The following SCN8A variants were observed in gnomAD, a reference collection of about 807,000 sequenced individuals.
SCN8A encodes the protein sodium voltage-gated channel alpha subunit 8.
In SCN8A, 30 loss-of-function variants were observed where a neutral mutation model predicts 184.1. The observed-to-expected ratio is 0.16, with a 90% confidence interval of 0.12 to 0.22. The LOEUF (loss-of-function observed/expected upper bound fraction) is 0.22. Among genes scored for constraint, SCN8A ranks in the 10% least tolerant of loss-of-function variants. The pLI is 1.00. For missense variants in SCN8A, 1,057 were observed against 2,498.9 expected (o/e 0.42, Z 12.30); for synonymous variants, 852 against 907.0 (o/e 0.94, Z 1.09).
At chr12:51,688,055 AC>A (rs1285459404) in intron 5 of SCN8A, among the ~76,000 whole-genome samples, 1 of 152,188 alleles carries the variant, frequency 6.6e-6, no homozygotes, top group Admixed American at 6.5e-5. Context: ...AATACTTGAA[AC>A]TGAAACTGAC....
chr12:51,708,509 A>G (rs1941820544), intron 11 of SCN8A, among the ~76,000 whole-genome samples: 2 of 152,214 alleles, frequency 1.3e-5, no homozygotes, highest in Admixed American at 1.3e-4. Flanking sequence ...TAGGTATAGA[A>G]TAGATTATAG....
intron 11 of SCN8A, 93 bp from the exon 12 acceptor site, chr12:51,721,453 C>T: frequency 7.4e-7 from 1 of 1,351,234 alleles, no homozygotes; most frequent in Non-Finnish European, 9.9e-7. Flanking sequence ...GAGGGTGGGG[C>T]CGGCTGGGAA....
chr12:51,641,418 A>T (rs1940451568), intron 1 of SCN8A, among the ~76,000 whole-genome samples: 1 of 152,174 alleles, frequency 6.6e-6, no homozygotes, highest in Non-Finnish European at 1.5e-5. Flanking sequence ...CCTGAATGAG[A>T]AATACCATAC....
intron 2 of SCN8A, among the ~76,000 whole-genome samples, chr12:51,669,247 A>G (rs1174559003): frequency 6.6e-6 from 1 of 152,250 alleles, no homozygotes; most frequent in East Asian, 1.9e-4. Flanking sequence ...GTCTGACTAT[A>G]GTGGAAAGAG....
chr12:51,595,824 G>A (rs1473841972), intron 1 of SCN8A, among the ~76,000 whole-genome samples: 2 of 152,162 alleles, frequency 1.3e-5, no homozygotes, highest in East Asian at 3.8e-4. Flanking sequence ...AAAAGCAGAC[G>A]GATGCTTTAT....
intron 12 of SCN8A, among the ~76,000 whole-genome samples, chr12:51,727,412 A>C (rs1947592159): frequency 6.6e-6 from 1 of 152,122 alleles, no homozygotes; most frequent in Non-Finnish European, 1.5e-5. Flanking sequence ...CATTTGCAAA[A>C]AAAAACCAAA....
intron 22 of SCN8A, 63 bp downstream of exon 22, chr12:51,786,889 C>T (rs767281044): frequency 2.7e-6 from 4 of 1,467,224 alleles, no homozygotes; most frequent in Non-Finnish European, 3.7e-6. Flanking sequence ...AGCACAAATC[C>T]CATTTGGCTT....
intron 1 of SCN8A, among the ~76,000 whole-genome samples, chr12:51,598,930 T>A (rs993909878): frequency 6.6e-6 from 1 of 152,220 alleles, no homozygotes; most frequent in African/African-American, 2.4e-5. Context: ...TGCCTCTGTT[T>A]TATTTTTCTT....
intron 1 of SCN8A, among the ~76,000 whole-genome samples, chr12:51,634,660 T>TATTATTA (rs199938766): frequency 2.0e-5 from 3 of 147,402 alleles, no homozygotes; most frequent in East Asian, 2.0e-4. Context: ...ATTATTATTT[T>TATTATTA]TTTTTTTTGA....
intron 12 of SCN8A, among the ~76,000 whole-genome samples, chr12:51,725,131 T>C (rs1013173420): frequency 6.6e-6 from 1 of 152,208 alleles, no homozygotes; most frequent in Non-Finnish European, 1.5e-5. Flanking sequence ...GACCATATCA[T>C]TCCCAAGGGC....
intron 12 of SCN8A, among the ~76,000 whole-genome samples, chr12:51,725,679 G>A (rs1351531592): frequency 1.3e-5 from 2 of 152,136 alleles, no homozygotes; most frequent in East Asian, 1.9e-4. Context: ...CCTTTAGAAA[G>A]TGGGAAAAAC....
chr12:51,639,866 A>G (rs1940405146), intron 1 of SCN8A, among the ~76,000 whole-genome samples: 1 of 100,136 alleles, frequency 1.0e-5, no homozygotes. Flanking sequence ...TATTTTTTGA[A>G]TTAAGGTATA....
intron 5 of SCN8A, among the ~76,000 whole-genome samples, 169 bp downstream of exon 5, chr12:51,687,388 C>A (rs1390726535): frequency 6.6e-6 from 1 of 151,950 alleles, no homozygotes; most frequent in Non-Finnish European, 1.5e-5. Context: ...CTTGTGAGGG[C>A]CTCTTGTGGT....
At chr12:51,649,001 T>C (rs1413582621) in intron 1 of SCN8A, among the ~76,000 whole-genome samples, 2 of 152,158 alleles carry the variant, frequency 1.3e-5, no homozygotes, top group Non-Finnish European at 2.9e-5. Context: ...CTAGATACAA[T>C]TGGGGGTACA....
chr12:51,711,126 T>G (rs1941868502), intron 11 of SCN8A, among the ~76,000 whole-genome samples: 1 of 152,218 alleles, frequency 6.6e-6, no homozygotes, highest in African/African-American at 2.4e-5. Flanking sequence ...TGATAGTAGC[T>G]TTGTTGTAAT....
intron 1 of SCN8A, among the ~76,000 whole-genome samples, chr12:51,618,592 A>C (rs1165312398): frequency 6.6e-6 from 1 of 151,942 alleles, no homozygotes; most frequent in Non-Finnish European, 1.5e-5. Flanking sequence ...GCTATCAATT[A>C]TTTTTCAGAG....
In SCN8A at chr12:51,696,460, T is replaced by G. The variant is rs558642165; in HGVS notation, c.707-3110T>G. Among the ~76,000 whole-genome samples the G allele has an allele frequency of 2.1e-4, 32 of 152,338 alleles. No homozygotes were observed. The South Asian group carries it at 6.4e-3, about 31-fold the overall frequency. On this transcript the variant is annotated intron_variant, in intron 6 of 26. Transcript: ENST00000627620. The stretch of plus-strand genomic sequence containing the variant: ...TCCATTACACTGGAACAATTTTTAT[T>G]TCTTGATGGCTGCCTTCTACTTTAT...
At chr12:51,619,243 C>A (rs1164463689) in intron 1 of SCN8A, among the ~76,000 whole-genome samples, 1 of 152,068 alleles carries the variant, frequency 6.6e-6, no homozygotes, top group African/African-American at 2.4e-5. Flanking sequence ...GTGCAGAATG[C>A]CATTAAATGG....
At chr12:51,792,488 C>CAAAAAAAA (rs71092723) in intron 25 of SCN8A, among the ~76,000 whole-genome samples, 2 of 51,598 alleles carry the variant, frequency 3.9e-5, no homozygotes, top group Non-Finnish European at 7.0e-5. Flanking sequence ...GACCCTATCT[C>CAAAAAAAA]AAAAAAAAAA....
Sources: allele counts gnomAD v4.1 joint callset (sites outside exome capture counted in the v4.1 genomes callset), GRCh38; gene constraint gnomAD v4.1.1; transcripts MANE v1.5; gene names NCBI Gene and HGNC (gene_info 2026-07-23, HGNC 2026-07-21).